GPC6: variants seen among roughly 807,000 people sequenced by gnomAD.
The protein encoded by GPC6 is glypican-6.
A neutral mutation model predicts 55.2 loss-of-function variants in GPC6; 14 were observed. The observed-to-expected ratio is 0.25, with a 90% CI of 0.17 to 0.40. GPC6 has a LOEUF of 0.40. GPC6 is among the 10% of genes least tolerant of loss of function. The pLI is 1.00. For synonymous variants in GPC6, 278 were observed against 259.6 expected, an observed-to-expected ratio of 1.07 and a Z score of -0.68; for missense variants, 641 against 708.5, an observed-to-expected ratio of 0.90 and a Z score of 1.08.
At chr13:93,960,937 C>T (rs915664154) in intron 3 of GPC6, among the ~76,000 whole-genome samples, 2 of 151,714 alleles carry the variant, frequency 1.3e-5, no homozygotes, top group Non-Finnish European at 2.9e-5. Flanking sequence ...CTCAGCCTCC[C>T]GAGTAGCTGG....
Position 94,114,779 on chromosome 13 carries a change from A to T in GPC6, c.877+86885A>T, listed in dbSNP as rs373851608. 7.9e-5 allele frequency among the ~76,000 whole-genome samples: 12 copies of T among 152,286 alleles called. No homozygotes were observed. In the South Asian group the frequency reaches 1.7e-3, roughly 21 times the overall value. On this transcript the variant is annotated intron_variant, in intron 4 of 8. Coordinates refer to ENST00000377047, the MANE Select transcript of GPC6 (RefSeq NM_005708.5). ...ATCAGAAGAGAAAATATTAAAAATGATAGTTACTGAGGTCTTGTTAGAAGC... is the reference window on the plus strand; with the variant it reads ...ATCAGAAGAGAAAATATTAAAAATGTTAGTTACTGAGGTCTTGTTAGAAGC...
At chr13:94,099,016 A>G (rs928931569) in intron 4 of GPC6, among the ~76,000 whole-genome samples, 2 of 152,086 alleles carry the variant, frequency 1.3e-5, no homozygotes, top group Non-Finnish European at 2.9e-5. Flanking sequence ...AGTAACATAT[A>G]TTTATCCCAC....
rs746809981 is a variant in GPC6 at position 94,277,579 on chromosome 13, C to T, written c.878-8770C>T. ...ATAGTTTTGAGTCTTACATTTAAGT[C>T]TTTAATCCATCTTGAGTTAATTTTT... On this transcript the variant is annotated intron_variant, in intron 4 of 8. Coordinates refer to ENST00000377047, the MANE Select transcript of GPC6 (RefSeq NM_005708.5). Among the ~76,000 whole-genome samples, 3 of 152,132 alleles carry T rather than the reference C, an allele frequency of 2.0e-5. No individual in the cohort carries two copies. In the South Asian group the frequency reaches 6.2e-4, roughly 32 times the overall value.
At chr13:93,383,732 AT>A (rs11326667) in intron 1 of GPC6, among the ~76,000 whole-genome samples, 29,261 of 147,300 alleles carry the variant, frequency 0.2, 3,354 homozygotes, top group East Asian at 0.53. Context: ...CAAACCAAGA[AT>A]TTTTTTTTTT....
intron 1 of GPC6, among the ~76,000 whole-genome samples, chr13:93,502,238 C>T (rs1880549416): frequency 6.6e-6 from 1 of 151,594 alleles, no homozygotes; most frequent in Non-Finnish European, 1.5e-5. Context: ...AAAAATAAAT[C>T]AGTTCTCCAG....
intron 4 of GPC6, among the ~76,000 whole-genome samples, chr13:94,196,365 A>G (rs1566530566): frequency 6.6e-6 from 1 of 152,168 alleles, no homozygotes; most frequent in African/African-American, 2.4e-5. Flanking sequence ...AGCGCATGCT[A>G]TATAAAGATG....
In GPC6 at chr13:93,542,431, G is replaced by T. The variant is rs1467580865; in HGVS notation, c.161-2832G>T. On this transcript the variant is annotated intron_variant, in intron 1 of 8. Transcript: ENST00000377047. The stretch of plus-strand genomic sequence containing the variant: ...ATGCTGTTTTGGTTACTGTAGCCTT[G>T]TAGTATAGTTTGAAGTCAGGTAGCG... 3.9e-5 allele frequency among the ~76,000 whole-genome samples: 6 copies of T among 152,272 alleles called. No homozygotes were observed. In the East Asian group the frequency reaches 1.2e-3, roughly 29 times the overall value.
At chr13:93,388,588 GGTAT>G in intron 1 of GPC6, among the ~76,000 whole-genome samples, 1 of 152,198 alleles carries the variant, frequency 6.6e-6, no homozygotes, top group East Asian at 1.9e-4. Context: ...CTCAAGCTGA[GGTAT>G]ATGCCAGATT....
At chr13:93,432,665 TA>T (rs1216396892) in intron 1 of GPC6, among the ~76,000 whole-genome samples, 1 of 152,164 alleles carries the variant, frequency 6.6e-6, no homozygotes, top group Non-Finnish European at 1.5e-5. Context: ...TACTACTTAG[TA>T]GAAACAAGCA....
intron 7 of GPC6, among the ~76,000 whole-genome samples, chr13:94,392,908 C>T (rs1162017002): frequency 5.9e-5 from 9 of 151,372 alleles, no homozygotes; most frequent in African/African-American, 9.7e-5. Flanking sequence ...CCACTGCACC[C>T]GGCCCTGTTT....
In GPC6 at chr13:93,317,680, T is replaced by C. The variant is rs139537944; in HGVS notation, c.160+90064T>C. 6.5e-4 allele frequency among the ~76,000 whole-genome samples: 99 copies of C among 152,298 alleles called. 2 individuals are homozygous for C. In the East Asian group the frequency reaches 0.017, roughly 26 times the overall value. ...CCTACATTTACTTTTTTATCAACTT[T>C]ATCAGAAAACTGAGTGGACCATGGT... On this transcript the variant is annotated intron_variant, in intron 1 of 8. Transcript: ENST00000377047.
chr13:93,973,635 A>G (rs3904816), intron 3 of GPC6, among the ~76,000 whole-genome samples: 2,473 of 152,282 alleles, frequency 0.016, 79 homozygotes, highest in African/African-American at 0.056. Flanking sequence ...TAACGTGTTT[A>G]TTAAAACGTT....
At chr13:93,949,370 G>A (rs1879150526) in intron 3 of GPC6, among the ~76,000 whole-genome samples, 1 of 152,188 alleles carries the variant, frequency 6.6e-6, no homozygotes, top group African/African-American at 2.4e-5. Context: ...TGCTCATGGT[G>A]ATAGTGAGTT....
intron 1 of GPC6, among the ~76,000 whole-genome samples, chr13:93,406,309 C>G (rs1440030191): frequency 6.6e-6 from 1 of 152,098 alleles, no homozygotes; most frequent in Non-Finnish European, 1.5e-5. Flanking sequence ...CTCCAGGCAG[C>G]CACCACAAAT....
chr13:93,884,394 C>T (rs756576665), intron 3 of GPC6, among the ~76,000 whole-genome samples: 4 of 152,018 alleles, frequency 2.6e-5, no homozygotes, highest in Non-Finnish European at 4.4e-5. Context: ...TGCATTCCTT[C>T]AAATCATAGA....
chr13:93,224,438 C>G (rs981317617), upstream of GPC6, among the ~76,000 whole-genome samples: 2 of 152,154 alleles, frequency 1.3e-5, no homozygotes, highest in East Asian at 3.9e-4. Context: ...AGGTGATCTG[C>G]CTGCCTCGGC....
In GPC6 at chr13:93,971,419, A is replaced by T. The variant is rs145899091; in HGVS notation, c.712-56310A>T. ...ACCATAGTCTAAGCTCAGGCAAATA[A>T]ATTGAAAATAAAATTTTGAAATACA... On this transcript the variant is annotated intron_variant, in intron 3 of 8. Transcript: ENST00000377047. 5.4e-3 allele frequency among the ~76,000 whole-genome samples: 826 copies of T among 152,332 alleles called. 5 individuals are homozygous for T. The highest frequency in any genetic ancestry group is 0.019 in the African/African-American group (774 of 41,566).
At chr13:93,912,360 A>G (rs1877027779) in intron 3 of GPC6, among the ~76,000 whole-genome samples, 1 of 152,150 alleles carries the variant, frequency 6.6e-6, no homozygotes, top group African/African-American at 2.4e-5. Context: ...TGTTTTCTCC[A>G]AAAACATATT....
intron 4 of GPC6, among the ~76,000 whole-genome samples, chr13:94,133,981 A>C (rs114477130): frequency 6.6e-6 from 1 of 152,178 alleles, no homozygotes; most frequent in Admixed American, 6.5e-5. Flanking sequence ...TAGGACATTA[A>C]TCATCAGTTG....
Sources: gnomAD v4.1 joint callset for allele counts (sites outside exome capture counted in the v4.1 genomes callset) on GRCh38, gnomAD v4.1.1 for gene constraint, MANE v1.5 for transcripts, NCBI Gene and HGNC (gene_info 2026-07-23, HGNC 2026-07-21) for gene names.